Variants in RBFOX1 observed in about 807,000 individuals in gnomAD.
RBFOX1 encodes RNA binding protein fox-1 homolog 1.
RBFOX1 carries 8 observed loss-of-function variants against 57.7 expected under a neutral mutation model. That is an observed-to-expected ratio of 0.14 (90% CI 0.08 to 0.25). RBFOX1 has a LOEUF of 0.25. Ranked by LOEUF, RBFOX1 falls within the 10% of genes least tolerant of loss-of-function variation. The probability of loss-of-function intolerance (pLI) is 1.00; values close to 1 mark genes in which losing one functional copy is unlikely to be tolerated. For missense variants in RBFOX1, 611 were observed against 548.5 expected, an observed-to-expected ratio of 1.11 and a Z score of -1.14; for synonymous variants, 326 against 222.4, an observed-to-expected ratio of 1.47 and a Z score of -4.15.
intron 4 of RBFOX1, among the ~76,000 whole-genome samples, chr16:7,242,479 T>G (rs1016861204): frequency 6.6e-6 from 1 of 152,172 alleles, no homozygotes; most frequent in African/African-American, 2.4e-5. Flanking sequence ...TTGTTGAATT[T>G]ATAGATACAG....
chr16:6,490,694 G>C (rs1156314111), intron 2 of RBFOX1, among the ~76,000 whole-genome samples: 2 of 152,122 alleles, frequency 1.3e-5, no homozygotes, highest in African/African-American at 4.8e-5. Context: ...TCTGGTCATG[G>C]AGCAATATTA....
chr16:6,047,079 C>T (rs1337613385), intron 1 of RBFOX1, among the ~76,000 whole-genome samples: 1 of 152,152 alleles, frequency 6.6e-6, no homozygotes, highest in Non-Finnish European at 1.5e-5. Flanking sequence ...AAGGAAGAAA[C>T]ACAGAGGATG....
intron 4 of RBFOX1, among the ~76,000 whole-genome samples, chr16:7,398,170 G>T (rs568166394): frequency 6.6e-6 from 1 of 152,300 alleles, no homozygotes; most frequent in South Asian, 2.1e-4. Flanking sequence ...TTTCAAACAA[G>T]CATTGGTAGG....
In RBFOX1 at chr16:6,938,202, C is replaced by A. The variant is rs563654968; in HGVS notation, c.-15-113855C>A. On this transcript the variant is annotated intron_variant, in intron 3 of 15. Coordinates refer to ENST00000550418, the MANE Select transcript of RBFOX1 (RefSeq NM_018723.4). Reference sequence around the variant, plus strand: ...TTACTTTCCTAGTGTAGAATATAATCTGTCATTGTCCAGATTAGATCATTG... The same window carrying A: ...TTACTTTCCTAGTGTAGAATATAATATGTCATTGTCCAGATTAGATCATTG... 7.2e-5 allele frequency among the ~76,000 whole-genome samples: 11 copies of A among 152,254 alleles called. No homozygotes were observed. The East Asian group carries it at 1.4e-3, about 19-fold the overall frequency.
chr16:6,447,644 A>G (rs2094510580), intron 2 of RBFOX1, among the ~76,000 whole-genome samples: 2 of 152,138 alleles, frequency 1.3e-5, no homozygotes, highest in Non-Finnish European at 1.5e-5. Context: ...CAAATCACAT[A>G]TTTGTTTACC....
intron 1 of RBFOX1, among the ~76,000 whole-genome samples, chr16:5,454,963 CTTTCTTTCTTTCTTT>C (rs2068576328): frequency 1.0e-4 from 5 of 48,776 alleles, no homozygotes; most frequent in Admixed American, 2.4e-4. Flanking sequence ...TCCTTCCTTT[CTTTCTTTCTTTCTTT>C]CTTTCTTTCT....
chr16:5,695,869 C>A (rs529153124), intron 3 of RBFOX1, among the ~76,000 whole-genome samples: 1 of 152,108 alleles, frequency 6.6e-6, no homozygotes, highest in South Asian at 2.1e-4. Flanking sequence ...TAATCATTCA[C>A]TATGCATATA....
intron 1 of RBFOX1, among the ~76,000 whole-genome samples, chr16:5,402,451 C>G (rs1317197177): frequency 1.3e-5 from 2 of 152,174 alleles, no homozygotes; most frequent in Non-Finnish European, 2.9e-5. Flanking sequence ...CCCCCATTTT[C>G]TATTCTTCCC....
At chr16:7,150,573 A>G (rs925949118) in intron 4 of RBFOX1, among the ~76,000 whole-genome samples, 13 of 152,204 alleles carry the variant, frequency 8.5e-5, no homozygotes, top group Non-Finnish European at 8.8e-5. Context: ...TATTTTCTCT[A>G]TTACATTACG....
At chr16:7,674,703 A>G (rs4787057) in intron 13 of RBFOX1, among the ~76,000 whole-genome samples, 60,904 of 152,136 alleles carry the variant, frequency 0.4, 13,455 homozygotes, top group Admixed American at 0.5. Context: ...ATAGATGACC[A>G]CATTTGCTGT....
intron 3 of RBFOX1, among the ~76,000 whole-genome samples, chr16:5,716,363 C>A (rs1364819633): frequency 6.6e-6 from 1 of 152,142 alleles, no homozygotes; most frequent in African/African-American, 2.4e-5. Flanking sequence ...GGCATTAAGC[C>A]TACTAGTTAT....
rs181741055 is a variant in RBFOX1, at chr16:5,953,969, G to A, written c.351+86634G>A. Among the ~76,000 whole-genome samples the A allele has an allele frequency of 1.7e-3, 259 of 152,192 alleles. 2 individuals carry two copies. Among genetic ancestry groups the A allele is most frequent in the African/African-American group, 5.8e-3 (240 of 41,524 alleles). On this transcript the variant is annotated intron_variant, in intron 4 of 19. Coordinates refer to the RBFOX1 transcript ENST00000641259. The stretch of plus-strand genomic sequence containing the variant: ...GCCAACCGTGGTACCCATACCCCCA[G>A]GGGACATTTGGAAATGTCTGGAGAC...
intron 2 of RBFOX1, among the ~76,000 whole-genome samples, chr16:5,589,367 C>G (rs1316086819): frequency 6.6e-6 from 1 of 152,134 alleles, no homozygotes; most frequent in Non-Finnish European, 1.5e-5. Context: ...TTTAAGTTGG[C>G]CAACCTGGGG....
intron 4 of RBFOX1, among the ~76,000 whole-genome samples, chr16:7,055,155 A>C (rs1348299054): frequency 6.6e-6 from 1 of 152,182 alleles, no homozygotes; most frequent in East Asian, 1.9e-4. Flanking sequence ...TTATTTTTTA[A>C]CTGCAGGTCT....
chr16:6,944,220 C>T (rs1411332851), intron 3 of RBFOX1, among the ~76,000 whole-genome samples: 1 of 151,866 alleles, frequency 6.6e-6, no homozygotes, highest in Admixed American at 6.6e-5. Context: ...CACAGTGAAA[C>T]CCTTTCTCTA....
rs540182667 is a variant in RBFOX1 at position 7,386,782 on chromosome 16, A to T, written c.28-131365A>T. On this transcript the variant is annotated intron_variant, in intron 4 of 15. Coordinates refer to ENST00000550418, the MANE Select transcript of RBFOX1 (RefSeq NM_018723.4). ...TGGGTCTAATGGTATTTCTAGTTCT[A>T]TATCCTTGAGGAATCGCCACACTGT... is the stretch of plus-strand genomic sequence containing the variant. Among the ~76,000 whole-genome samples the T allele has an allele frequency of 3.3e-5, 5 of 152,092 alleles. No homozygotes were observed. The South Asian group carries it at 1.0e-3, about 32-fold the overall frequency.
intron 1 of RBFOX1, among the ~76,000 whole-genome samples, chr16:6,058,833 T>TATCC (rs35496154): frequency 0.011 from 1,426 of 134,392 alleles, 22 homozygotes; most frequent in Middle Eastern, 0.024. Flanking sequence ...CTCATTTATT[T>TATCC]ATCCATCCAT....
intron 2 of RBFOX1, among the ~76,000 whole-genome samples, chr16:6,618,150 A>T (rs75637124): frequency 0.043 from 6,620 of 152,202 alleles, 202 homozygotes; most frequent in Non-Finnish European, 0.066. Context: ...TTACAGGGAC[A>T]TGAGGAGGGG....
At chr16:7,035,599 A>G (rs1179754038) in intron 3 of RBFOX1, among the ~76,000 whole-genome samples, 1 of 151,952 alleles carries the variant, frequency 6.6e-6, no homozygotes, top group Non-Finnish European at 1.5e-5. Context: ...TTGTTGGTTT[A>G]TTATTATTAT....
Sources: gnomAD v4.1 joint callset for allele counts (sites outside exome capture counted in the v4.1 genomes callset) on GRCh38, gnomAD v4.1.1 for gene constraint, MANE v1.5 for transcripts, NCBI Gene and HGNC (gene_info 2026-07-23, HGNC 2026-07-21) for gene names.